The following ATAD3A variants were observed in gnomAD, a reference collection of about 807,000 sequenced individuals.
The protein encoded by ATAD3A is ATPase family AAA domain-containing protein 3A.
ATAD3A carries 46 observed loss-of-function variants against 73.8 expected under a neutral mutation model. The observed-to-expected ratio is 0.62, with a 90% CI of 0.49 to 0.80. The LOEUF (loss-of-function observed/expected upper bound fraction) is 0.80, where lower values mean the gene tolerates loss of function less well. Among genes scored for constraint, ATAD3A ranks in the 30% least tolerant of loss-of-function variants. The pLI, the probability that ATAD3A is intolerant of heterozygous loss-of-function variation, is 0.00. For synonymous variants in ATAD3A, 319 were observed against 350.0 expected, an observed-to-expected ratio of 0.91 and a Z score of 0.99; for missense variants, 705 against 838.0, an observed-to-expected ratio of 0.84 and a Z score of 1.96.
chr1:1,525,611 T>C (rs1641786929), intron 12 of ATAD3A, among the ~76,000 whole-genome samples: 1 of 152,134 alleles, frequency 6.6e-6, no homozygotes, highest in Non-Finnish European at 1.5e-5. Context: ...AGACGGGGTT[T>C]CACCGTGTTA....
At chr1:1,521,298 C>CAAAAAAAA (rs1001385922) in intron 7 of ATAD3A, among the ~76,000 whole-genome samples, 2 of 25,346 alleles carry the variant, frequency 7.9e-5, no homozygotes, top group African/African-American at 1.8e-4. Flanking sequence ...GGCTTCTTCT[C>CAAAAAAAA]AAAAAAAAAA....
chr1:1,526,142 C>A (rs1205346021), intron 12 of ATAD3A, among the ~76,000 whole-genome samples: 1 of 151,966 alleles, frequency 6.6e-6, no homozygotes, highest in Non-Finnish European at 1.5e-5. Context: ...CGTGCCTCAG[C>A]CTCCCACGTA....
At chr1:1,518,688 CA>C (rs1557461043) in intron 4 of ATAD3A, among the ~76,000 whole-genome samples, 87 of 119,294 alleles carry the variant, frequency 7.3e-4, no homozygotes, top group African/African-American at 1.7e-3. Context: ...CACACACACA[CA>C]CCCAAACGGG....
chr1:1,530,828 C>CAAAA (rs1174830616), intron 15 of ATAD3A, among the ~76,000 whole-genome samples: 3 of 13,432 alleles, frequency 2.2e-4, no homozygotes, highest in Non-Finnish European at 3.3e-4. Flanking sequence ...GACTCCGTCT[C>CAAAA]AAAAAAAAAA....
rs9439464 is a variant in ATAD3A at position 1,534,218 on chromosome 1, C to A, written c.*146C>A. On this transcript the variant is annotated 3_prime_UTR_variant, in exon 16 of 16. Coordinates refer to ENST00000378756, the MANE Select transcript of ATAD3A (RefSeq NM_001170535.3). ...CTGTCCCCCAGGATGTCTTGTGGTG[C>A]GGGTCGGCCGTTCTGCCCCCCAGGG... 5.5e-5 allele frequency: 83 copies of A among 1,499,168 alleles called. No individual in the cohort carries two copies. The highest frequency in any genetic ancestry group is 7.3e-5 in the Non-Finnish European group (82 of 1,122,348). 92.9% of individuals were successfully genotyped at this position (1,499,168 alleles called of 1,614,324 possible). A position where few individuals can be genotyped will look rare whatever the true frequency, so the allele number is the denominator to read the frequency against.
intron 4 of ATAD3A, 151 bp from the exon 5 acceptor site, chr1:1,518,770 G>A (rs942937033): frequency 1.1e-5 from 16 of 1,498,428 alleles, no homozygotes; most frequent in African/African-American, 8.6e-5. Flanking sequence ...CTGCACATTC[G>A]GGCACCGTCA....
At chr1:1,532,892 CT>C (rs1642080141) in intron 15 of ATAD3A, among the ~76,000 whole-genome samples, 1 of 151,998 alleles carries the variant, frequency 6.6e-6, no homozygotes, top group African/African-American at 2.4e-5. Context: ...TCCGGGGCCC[CT>C]GACCCACAGT....
intron 15 of ATAD3A, among the ~76,000 whole-genome samples, chr1:1,531,121 G>A (rs1241848635): frequency 6.6e-6 from 1 of 152,062 alleles, no homozygotes; most frequent in Non-Finnish European, 1.5e-5. Context: ...TGGTGCCACT[G>A]CCCTCCAGCC....
chr1:1,533,342 A>G (rs1310073517), intron 15 of ATAD3A, among the ~76,000 whole-genome samples: 2 of 152,182 alleles, frequency 1.3e-5, no homozygotes, highest in Non-Finnish European at 2.9e-5. Context: ...TGACCCGTTC[A>G]TTGCAGAAGG....
rs1023453320 is a variant in ATAD3A at position 1,523,019 on chromosome 1, C to T, written c.906+120C>T. 3 of 1,475,910 alleles carry T rather than the reference C, an allele frequency of 2.0e-6. No individual in the cohort carries two copies. The African/African-American group carries it at 4.4e-5, about 21-fold the overall frequency. The allele number at this position is 1,475,910 out of a possible 1,614,324, so 91.4% of individuals were successfully genotyped here. ...CCTTTCCCCGGATAACGGGCACCCG[C>T]ACACTGCTTCACGGGTGGGTTTTCC... On this transcript the variant is annotated intron_variant, in intron 8 of 15. Transcript: ENST00000378756. This position sits in a 1 kb window ranked among gnomAD's most constrained non-coding sequence, Gnocchi z 5.1.
intron 14 of ATAD3A, among the ~76,000 whole-genome samples, chr1:1,528,488 C>G (rs903891348): frequency 6.6e-6 from 1 of 152,272 alleles, no homozygotes; most frequent in African/African-American, 2.4e-5. Flanking sequence ...AGCTGCCACA[C>G]CCGGCCCTGG....
At chr1:1,529,124 T>G in intron 14 of ATAD3A, 99 bp from the exon 15 acceptor site, 1 of 1,525,604 alleles carries the variant, frequency 6.6e-7, no homozygotes, top group Non-Finnish European at 8.9e-7. Context: ...AAAGAGGATG[T>G]TTGGCGTGGG....
At chr1:1,512,534 G>GCCCT (rs1641234540) in intron 1 of ATAD3A, 61 bp downstream of exon 1, 1 of 1,372,828 alleles carries the variant, frequency 7.3e-7, no homozygotes, top group South Asian at 1.3e-5. Context: ...GGAAGCGGGA[G>GCCCT]CCCTGGCCCT....
At position 1,522,980 on chromosome 1, in the gene ATAD3A, C is replaced by A. The variant is rs1276806150; in HGVS notation, c.906+81C>A. 9.8e-5 allele frequency: 151 copies of A among 1,546,798 alleles called. No individual in the cohort carries two copies. In the South Asian group the frequency reaches 1.0e-3, roughly 11 times the overall value. ...CCCCACGAGCACAGCCCACGCACAC[C>A]CTCCCGTCCCTTCCCTTTCCCCGGA... On this transcript the variant is annotated intron_variant, in intron 8 of 15. Coordinates refer to ENST00000378756, the MANE Select transcript of ATAD3A (RefSeq NM_001170535.3).
chr1:1,522,427 G>A (rs1360064350), intron 7 of ATAD3A, among the ~76,000 whole-genome samples: 3 of 152,244 alleles, frequency 2.0e-5, no homozygotes, highest in African/African-American at 7.2e-5. Context: ...GGCCAAGAAT[G>A]TACCAGAGGG....
intron 12 of ATAD3A, 67 bp from the exon 13 acceptor site, chr1:1,526,394 A>G: frequency 6.4e-7 from 1 of 1,561,564 alleles, no homozygotes; most frequent in Non-Finnish European, 8.7e-7. Flanking sequence ...GGCCTGTGGG[A>G]CTTTCTGCTG....
intron 2 of ATAD3A, among the ~76,000 whole-genome samples, chr1:1,516,322 G>A (rs560258012): frequency 2.0e-5 from 3 of 151,998 alleles, no homozygotes; most frequent in Non-Finnish European, 4.4e-5. Context: ...CTGGTCGTCC[G>A]GAGGGAGGGC....
At chr1:1,515,414 T>G (rs574512986) in intron 1 of ATAD3A, among the ~76,000 whole-genome samples, 1 of 152,274 alleles carries the variant, frequency 6.6e-6, no homozygotes, top group African/African-American at 2.4e-5. Flanking sequence ...ATGGGAAAAC[T>G]GTCATCCCAG....
At chr1:1,513,022 C>T (rs531656650) in intron 1 of ATAD3A, among the ~76,000 whole-genome samples, 9 of 152,244 alleles carry the variant, frequency 5.9e-5, no homozygotes, top group Non-Finnish European at 1.2e-4. Context: ...AACCCCTGAC[C>T]CAAGGCCCTC....
Sources: gnomAD v4.1 joint callset for allele counts (sites outside exome capture counted in the v4.1 genomes callset) on GRCh38, gnomAD v4.1.1 for gene constraint, Gnocchi (gnomAD v3.1) non-coding constraint, MANE v1.5 for transcripts, NCBI Gene and HGNC (gene_info 2026-07-23, HGNC 2026-07-21) for gene names.